The following PTPRD variants were observed in gnomAD, a reference collection of about 807,000 sequenced individuals.
The protein encoded by PTPRD is receptor-type tyrosine-protein phosphatase delta.
PTPRD carries 34 observed loss-of-function variants against 214.5 expected under a neutral mutation model. The ratio of observed to expected loss-of-function variants is 0.16; its 90% CI spans 0.12 to 0.21. The LOEUF (loss-of-function observed/expected upper bound fraction) is 0.21. Ranked by LOEUF, PTPRD falls within the 10% of genes least tolerant of loss-of-function variation. PTPRD has a pLI of 1.00. For missense variants in PTPRD, 2,545 were observed against 2,398.7 expected (o/e 1.06, Z -1.27); for synonymous variants, 1,128 against 845.7 (o/e 1.33, Z -5.79).
At chr9:9,286,327 T>C (rs560978390) in intron 9 of PTPRD, among the ~76,000 whole-genome samples, 9 of 151,990 alleles carry the variant, frequency 5.9e-5, no homozygotes, top group East Asian at 5.9e-4. Context: ...AGCAGGGCTA[T>C]AAATTATACT....
intron 5 of PTPRD, among the ~76,000 whole-genome samples, chr9:9,839,299 A>T (rs2057689283): frequency 6.6e-6 from 1 of 152,092 alleles, no homozygotes; most frequent in African/African-American, 2.4e-5. Flanking sequence ...ATATCTAGAA[A>T]ACCCCATTGT....
chr9:10,299,287 T>C (rs534851667), intron 3 of PTPRD, among the ~76,000 whole-genome samples: 1 of 152,290 alleles, frequency 6.6e-6, no homozygotes, highest in South Asian at 2.1e-4. Context: ...CTATTGTCTA[T>C]TTTTCTAACT....
chr9:9,720,134 T>C (rs1325524109), intron 7 of PTPRD, among the ~76,000 whole-genome samples: 5 of 152,152 alleles, frequency 3.3e-5, no homozygotes, highest in African/African-American at 1.2e-4. Context: ...CCCCAGATGT[T>C]TCCAGCTGGC....
chr9:10,495,786 T>C (rs1248926972), intron 2 of PTPRD, among the ~76,000 whole-genome samples: 1 of 151,804 alleles, frequency 6.6e-6, no homozygotes, highest in South Asian at 2.1e-4. Context: ...ATTTAAAATG[T>C]GAAACATTTA....
chr9:9,784,601 A>T (rs1167078235), intron 5 of PTPRD, among the ~76,000 whole-genome samples: 2 of 152,094 alleles, frequency 1.3e-5, no homozygotes, highest in South Asian at 2.1e-4. Context: ...TTATTTCAAG[A>T]TTTTTTAAAT....
intron 11 of PTPRD, among the ~76,000 whole-genome samples, chr9:8,850,941 G>C (rs375417949): frequency 1.2e-4 from 19 of 152,298 alleles, no homozygotes; most frequent in African/African-American, 4.1e-4. Flanking sequence ...CATATGTCTT[G>C]TTGACCTATA....
At chr9:10,019,899 G>T (rs1188525088) in intron 4 of PTPRD, among the ~76,000 whole-genome samples, 1 of 150,246 alleles carries the variant, frequency 6.7e-6, no homozygotes, top group Admixed American at 6.7e-5. Flanking sequence ...TGCATGTTGT[G>T]CACATGTACC....
intron 14 of PTPRD, among the ~76,000 whole-genome samples, chr9:8,580,339 C>T (rs1457127021): frequency 1.3e-5 from 2 of 152,238 alleles, no homozygotes; most frequent in East Asian, 3.9e-4. Context: ...TAGTTTAGAA[C>T]AAACAGCCTA....
At chr9:10,208,076 C>G (rs1045878415) in intron 3 of PTPRD, among the ~76,000 whole-genome samples, 4 of 152,132 alleles carry the variant, frequency 2.6e-5, no homozygotes, top group African/African-American at 9.7e-5. Context: ...TCTAGGCTGT[C>G]AAGTTTCTGG....
intron 7 of PTPRD, among the ~76,000 whole-genome samples, chr9:9,679,315 G>A (rs974513672): frequency 1.3e-5 from 2 of 151,538 alleles, no homozygotes; most frequent in African/African-American, 4.8e-5. Flanking sequence ...ATCTAGAAAT[G>A]TCTTAAACTA....
chr9:9,819,136 G>T (rs1198901477), intron 5 of PTPRD, among the ~76,000 whole-genome samples: 2 of 152,060 alleles, frequency 1.3e-5, no homozygotes, highest in South Asian at 4.1e-4. Context: ...GGCTTTGGAA[G>T]GCTGGAGGCA....
intron 11 of PTPRD, among the ~76,000 whole-genome samples, chr9:9,003,898 G>C (rs1381972389): frequency 6.6e-6 from 1 of 152,074 alleles, no homozygotes. Flanking sequence ...CAACTTTCAT[G>C]TGATTTGTTG....
At chr9:9,257,279 TG>T (rs1257811993) in intron 9 of PTPRD, among the ~76,000 whole-genome samples, 2 of 151,924 alleles carry the variant, frequency 1.3e-5, no homozygotes, top group Admixed American at 1.3e-4. Context: ...ATATGGCTAA[TG>T]ATTTTATAGA....
At chr9:8,547,446 C>A (rs2140477449) in intron 14 of PTPRD, among the ~76,000 whole-genome samples, 1 of 151,950 alleles carries the variant, frequency 6.6e-6, no homozygotes, top group Middle Eastern at 3.4e-3. Context: ...AGTTTGAGAC[C>A]AGCCTGGGTA....
At chr9:8,403,845 A>G (rs2092698724) in intron 36 of PTPRD, among the ~76,000 whole-genome samples, 1 of 152,318 alleles carries the variant, frequency 6.6e-6, no homozygotes. Context: ...TTTACAAGCA[A>G]ACAATCCCCT....
At chr9:9,389,510 T>TAAG (rs1391825468) in intron 9 of PTPRD, among the ~76,000 whole-genome samples, 1 of 151,928 alleles carries the variant, frequency 6.6e-6, no homozygotes, top group Non-Finnish European at 1.5e-5. Context: ...CATCTCAAAA[T>TAAG]AATAATAATA....
intron 2 of PTPRD, among the ~76,000 whole-genome samples, chr9:10,536,995 G>A (rs1242048049): frequency 6.6e-6 from 1 of 152,060 alleles, no homozygotes; most frequent in Non-Finnish European, 1.5e-5. Context: ...TTTCCTTCTG[G>A]GGAATCTCAA....
chr9:8,741,566 C>CTTTTTTTTTTTTTTT (rs66547770), intron 11 of PTPRD, among the ~76,000 whole-genome samples: 3 of 70,644 alleles, frequency 4.2e-5, no homozygotes, highest in East Asian at 4.8e-4. Flanking sequence ...TCAGGCATTT[C>CTTTTTTTTTTTTTTT]TTTTTTTTTT....
In PTPRD at chr9:10,441,315, A is replaced by C. The variant is rs548727835; in HGVS notation, c.-599-100298T>G. ...TATTTATCTCTTTACAAGTACTAAG[A>C]GACCAAGATGGACTTCCTTTACTCT... On this transcript the variant is annotated intron_variant, in intron 2 of 45. Coordinates refer to ENST00000381196, the MANE Select transcript of PTPRD (RefSeq NM_002839.4). Among the ~76,000 whole-genome samples, 6 of 151,902 alleles carry C rather than the reference A, an allele frequency of 3.9e-5. No homozygotes were observed. In the South Asian group the frequency reaches 1.2e-3, roughly 31 times the overall value.
Sources: gnomAD v4.1 joint callset for allele counts (sites outside exome capture counted in the v4.1 genomes callset) on GRCh38, gnomAD v4.1.1 for gene constraint, MANE v1.5 for transcripts, NCBI Gene and HGNC (gene_info 2026-07-23, HGNC 2026-07-21) for gene names.